The following WT1 variants were observed in gnomAD, a reference collection of about 807,000 sequenced individuals.
The protein encoded by WT1 is Wilms tumor protein.
A neutral mutation model predicts 60.8 loss-of-function variants in WT1; 8 were observed. The observed-to-expected ratio is 0.13, with a 90% CI of 0.08 to 0.24. The LOEUF is 0.24. WT1 is among the 10% of genes least tolerant of loss of function. The pLI, the probability that WT1 is intolerant of heterozygous loss-of-function variation, is 1.00. For synonymous variants in WT1, 312 were observed against 297.1 expected (o/e 1.05, Z -0.52); for missense variants, 568 against 711.8 (o/e 0.80, Z 2.30).
chr11:32,419,318 C>G (rs1263607547), intron 3 of WT1, among the ~76,000 whole-genome samples: 1 of 152,190 alleles, frequency 6.6e-6, no homozygotes, highest in Non-Finnish European at 1.5e-5. Flanking sequence ...TCTCCTGCGC[C>G]TTTTCATCAA....
intron 6 of WT1, among the ~76,000 whole-genome samples, chr11:32,398,743 A>G (rs1852050047): frequency 1.3e-5 from 2 of 152,000 alleles, no homozygotes. Context: ...TGTATTGCAG[A>G]TGAAATGAAG....
In WT1 at chr11:32,398,674, T is replaced by C. The variant is rs77052563; in HGVS notation, c.1113+1274A>G. Among the ~76,000 whole-genome samples, 1,052 of 152,204 alleles carry C rather than the reference T, an allele frequency of 6.9e-3. 13 individuals carry two copies. The highest frequency in any genetic ancestry group is 0.027 in the South Asian group (132 of 4,806). On this transcript the variant is annotated intron_variant, in intron 6 of 9. Transcript: ENST00000452863. ...TGATTCTGACATTATTCATCACCTCTGGGCTTCAGTTTCCCCATCCATGAA... is the reference window on the plus strand; with the variant it reads ...TGATTCTGACATTATTCATCACCTCCGGGCTTCAGTTTCCCCATCCATGAA...
intron 5 of WT1, among the ~76,000 whole-genome samples, chr11:32,401,159 T>C (rs992324064): frequency 2.6e-5 from 4 of 152,230 alleles, no homozygotes; most frequent in South Asian, 4.1e-4. Context: ...TACAATGGAA[T>C]ATTATTCAGC....
chr11:32,430,986 T>C (rs547764281), intron 1 of WT1, among the ~76,000 whole-genome samples: 91 of 152,222 alleles, frequency 6.0e-4, no homozygotes, highest in South Asian at 1.9e-3. Context: ...AGGCTCCTTG[T>C]ACAGGCCTTG....
chr11:32,419,367 C>T (rs1291127255), intron 3 of WT1, among the ~76,000 whole-genome samples: 1 of 152,196 alleles, frequency 6.6e-6, no homozygotes, highest in Non-Finnish European at 1.5e-5. Context: ...TCTCAGCCAA[C>T]AGGCATTGTA....
At chr11:32,400,808 A>G (rs1160413860) in intron 5 of WT1, among the ~76,000 whole-genome samples, 2 of 152,230 alleles carry the variant, frequency 1.3e-5, no homozygotes, top group African/African-American at 4.8e-5. Context: ...CAGTTATTTT[A>G]CTTCCAGATG....
intron 5 of WT1, among the ~76,000 whole-genome samples, chr11:32,410,180 C>T (rs1162247683): frequency 6.6e-6 from 1 of 152,220 alleles, no homozygotes; most frequent in African/African-American, 2.4e-5. Flanking sequence ...ATCCACCTGC[C>T]TCGGCCTCCC....
At chr11:32,423,713 T>A (rs1852929157) in intron 3 of WT1, among the ~76,000 whole-genome samples, 1 of 152,250 alleles carries the variant, frequency 6.6e-6, no homozygotes, top group Non-Finnish European at 1.5e-5. Flanking sequence ...TCTCAGGGCC[T>A]GAGTTTCCTC....
chr11:32,428,899 C>A (rs1354368932), intron 1 of WT1: 1 of 511,466 alleles, frequency 2.0e-6, no homozygotes, highest in Non-Finnish European at 3.6e-6. Context: ...ACGGTCTCTG[C>A]CGCTTCTGCA....
At chr11:32,404,089 T>C (rs1421790549) in intron 5 of WT1, among the ~76,000 whole-genome samples, 2 of 150,022 alleles carry the variant, frequency 1.3e-5, no homozygotes, top group South Asian at 2.1e-4. Context: ...CTAGCCACCA[T>C]TGTGAAACCC....
At chr11:32,420,287 A>G (rs1222289081) in intron 3 of WT1, among the ~76,000 whole-genome samples, 1 of 152,176 alleles carries the variant, frequency 6.6e-6, no homozygotes, top group Non-Finnish European at 1.5e-5. Flanking sequence ...GTGATGTTCT[A>G]TAAGTTTTGG....
chr11:32,400,466 T>C, intron 5 of WT1: 1 of 335,530 alleles, frequency 3.0e-6, no homozygotes. Flanking sequence ...ACTCAGTTTT[T>C]ACCAGATAGC....
At chr11:32,434,003 C>T (rs1459667014) in intron 1 of WT1, among the ~76,000 whole-genome samples, 1 of 152,254 alleles carries the variant, frequency 6.6e-6, no homozygotes, top group Non-Finnish European at 1.5e-5. Flanking sequence ...AAGTTCTCTT[C>T]CATCCCCAGA....
intron 7 of WT1, among the ~76,000 whole-genome samples, chr11:32,395,742 G>A (rs1422931640): frequency 1.3e-5 from 2 of 151,132 alleles, no homozygotes; most frequent in African/African-American, 2.4e-5. Context: ...GATTACAGGC[G>A]TGAGCCCCCA....
At chr11:32,430,434 G>T in intron 1 of WT1, 1 of 548,734 alleles carries the variant, frequency 1.8e-6, no homozygotes, top group South Asian at 3.6e-5. Flanking sequence ...GACAGACACA[G>T]AGAGAGAGAG....
chr11:32,402,804 G>A (rs936656217), intron 5 of WT1, among the ~76,000 whole-genome samples: 1 of 152,194 alleles, frequency 6.6e-6, no homozygotes, highest in Admixed American at 6.5e-5. Context: ...TCCCACCTTG[G>A]CCTCCCAAAG....
intron 6 of WT1, among the ~76,000 whole-genome samples, chr11:32,397,380 G>C (rs547902257): frequency 2.0e-5 from 3 of 152,204 alleles, no homozygotes; most frequent in Admixed American, 6.5e-5. Context: ...GCAGTGGCAC[G>C]ATCGGGGCTC....
At chr11:32,412,432 C>T (rs546723987) in intron 5 of WT1, among the ~76,000 whole-genome samples, 10 of 152,070 alleles carry the variant, frequency 6.6e-5, no homozygotes, top group African/African-American at 9.7e-5. Flanking sequence ...TCCCCCTACC[C>T]GAGTCCCCAG....
rs2132896096 is a variant in WT1, at chr11:32,389,010, C to T, written c.*48G>A. 1 of 1,613,740 alleles carries T rather than the reference C, an allele frequency of 6.2e-7. No individual in the cohort carries two copies. Among genetic ancestry groups the T allele is most frequent in the Non-Finnish European group, 8.5e-7 (1 of 1,179,910 alleles). The stretch of plus-strand genomic sequence containing the variant: ...TGGAGAGTCAGACTTGAAAGCAGTT[C>T]ACACACTGTGCTGCCTGGGACACTG... On this transcript the variant is annotated 3_prime_UTR_variant, in exon 10 of 10. Coordinates refer to ENST00000452863, the MANE Select transcript of WT1 (RefSeq NM_024426.6).
Sources: allele counts gnomAD v4.1 joint callset (sites outside exome capture counted in the v4.1 genomes callset), GRCh38; gene constraint gnomAD v4.1.1; transcripts MANE v1.5; gene names NCBI Gene and HGNC (gene_info 2026-07-23, HGNC 2026-07-21).